Variants in BTBD1 observed in about 807,000 individuals in gnomAD.
BTBD1 encodes BTB domain containing 1, also known as BTB/POZ domain-containing protein 1.
In BTBD1, 34 loss-of-function variants were observed where a neutral mutation model predicts 48.0. The observed-to-expected ratio is 0.71, with a 90% CI of 0.54 to 0.94. The LOEUF (loss-of-function observed/expected upper bound fraction) is 0.94. Among genes scored for constraint, BTBD1 ranks in the 40% least tolerant of loss-of-function variants. The probability of loss-of-function intolerance (pLI) is 0.00; values close to 1 mark genes in which losing one functional copy is unlikely to be tolerated. For synonymous variants in BTBD1, 261 were observed against 242.1 expected, an observed-to-expected ratio of 1.08 and a Z score of -0.72; for missense variants, 543 against 625.6, an observed-to-expected ratio of 0.87 and a Z score of 1.41.
chr15:83,031,641 G>A (rs1427205732), intron 4 of BTBD1, among the ~76,000 whole-genome samples: 1 of 152,158 alleles, frequency 6.6e-6, no homozygotes, highest in Non-Finnish European at 1.5e-5. Context: ...GGCAGCGGGA[G>A]GGGGAAGGGA....
At chr15:83,047,626 G>GT (rs1296095584) in intron 3 of BTBD1, among the ~76,000 whole-genome samples, 1 of 152,156 alleles carries the variant, frequency 6.6e-6, no homozygotes, top group Non-Finnish European at 1.5e-5. Context: ...TAATCTGTGG[G>GT]TATTTTCCCC....
intron 2 of BTBD1, among the ~76,000 whole-genome samples, chr15:83,053,518 C>T (rs1010474201): frequency 6.6e-6 from 1 of 152,160 alleles, no homozygotes; most frequent in African/African-American, 2.4e-5. Context: ...TCTGGTCCTA[C>T]TGAACCAGTA....
intron 3 of BTBD1, among the ~76,000 whole-genome samples, chr15:83,046,773 G>A (rs2032887056): frequency 6.6e-6 from 1 of 152,116 alleles, no homozygotes; most frequent in Non-Finnish European, 1.5e-5. Flanking sequence ...TGCTGGGGAG[G>A]AATCTGATTT....
intron 4 of BTBD1, among the ~76,000 whole-genome samples, chr15:83,040,127 G>A (rs904707222): frequency 3.3e-5 from 5 of 152,084 alleles, no homozygotes; most frequent in Non-Finnish European, 5.9e-5. Context: ...AGTTAATGCA[G>A]AAACAGTAAA....
At chr15:83,056,261 TA>T in intron 2 of BTBD1, 127 bp downstream of exon 2, 1 of 613,774 alleles carries the variant, frequency 1.6e-6, no homozygotes, top group Non-Finnish European at 2.7e-6. Context: ...CCCTGATTTG[TA>T]TTATAAAAAT....
intron 2 of BTBD1, among the ~76,000 whole-genome samples, chr15:83,054,281 T>C (rs2033043513): frequency 6.6e-6 from 1 of 151,998 alleles, no homozygotes; most frequent in Admixed American, 6.6e-5. Flanking sequence ...GAGGTTGCAG[T>C]GAGCCGAACT....
intron 1 of BTBD1, among the ~76,000 whole-genome samples, chr15:83,059,645 C>T (rs1469839348): frequency 1.3e-5 from 2 of 152,202 alleles, no homozygotes; most frequent in African/African-American, 4.8e-5. Context: ...AGTGGTGGCA[C>T]GATCATAGCT....
At chr15:83,044,983 A>C (rs1197459096) in intron 3 of BTBD1, among the ~76,000 whole-genome samples, 1 of 152,228 alleles carries the variant, frequency 6.6e-6, no homozygotes, top group African/African-American at 2.4e-5. Flanking sequence ...AAAAATAATA[A>C]ATACCCCAGT....
chr15:83,018,941 C>A lies in BTBD1; in HGVS notation c.1144-88G>T, dbSNP rs1170307777. The A allele has an allele frequency of 9.8e-6, 7 of 712,518 alleles. No individual in the cohort carries two copies. The South Asian group carries it at 1.5e-4, about 15-fold the overall frequency. 44.1% of individuals were successfully genotyped at this position (712,518 alleles called of 1,614,324 possible). A position where few individuals can be genotyped will look rare whatever the true frequency, so the allele number is the denominator to read the frequency against. ...AATATAAAGCCCTTAGCAATGTGTG[C>A]GTGTGTGTTTTGAGACAGACTCTCA... On this transcript the variant is annotated intron_variant, in intron 6 of 7. Coordinates refer to ENST00000261721, the MANE Select transcript of BTBD1 (RefSeq NM_025238.4).
intron 1 of BTBD1, among the ~76,000 whole-genome samples, chr15:83,065,178 T>C (rs1368548264): frequency 1.3e-5 from 2 of 152,250 alleles, no homozygotes; most frequent in African/African-American, 4.8e-5. Flanking sequence ...TATTTTTGTA[T>C]GCAATTTGCA....
intron 5 of BTBD1, among the ~76,000 whole-genome samples, chr15:83,027,781 CG>C (rs1446013667): frequency 2.0e-5 from 3 of 152,096 alleles, no homozygotes; most frequent in African/African-American, 4.8e-5. Context: ...TTAAAGAAAA[CG>C]TAAGTGGCAG....
At chr15:83,021,904 T>C (rs1002480654) in intron 5 of BTBD1, among the ~76,000 whole-genome samples, 5 of 152,192 alleles carry the variant, frequency 3.3e-5, no homozygotes, top group African/African-American at 1.2e-4. Context: ...TACCACTTCA[T>C]GAGTACTTCC....
At chr15:83,066,109 T>G (rs1054879673) in intron 1 of BTBD1, among the ~76,000 whole-genome samples, 1 of 151,618 alleles carries the variant, frequency 6.6e-6, no homozygotes, top group African/African-American at 2.4e-5. Flanking sequence ...CTGGGCAACA[T>G]AGTGAAACCC....
chr15:83,060,231 T>C (rs528166312), intron 1 of BTBD1, among the ~76,000 whole-genome samples: 75 of 152,160 alleles, frequency 4.9e-4, no homozygotes, highest in African/African-American at 1.5e-3. Flanking sequence ...TTGATTCATA[T>C]GTATACATTT....
chr15:83,057,401 A>G (rs561360090), intron 1 of BTBD1, among the ~76,000 whole-genome samples: 1 of 152,242 alleles, frequency 6.6e-6, no homozygotes, highest in African/African-American at 2.4e-5. Flanking sequence ...GAGGATTAAC[A>G]TAAATTAAAA....
intron 3 of BTBD1, among the ~76,000 whole-genome samples, chr15:83,042,636 G>A (rs1237389100): frequency 6.6e-6 from 1 of 151,830 alleles, no homozygotes; most frequent in African/African-American, 2.4e-5. Flanking sequence ...TGCCTGCCTC[G>A]GCCTTCCAAA....
At chr15:83,049,350 C>T (rs757996861) in intron 3 of BTBD1, among the ~76,000 whole-genome samples, 3 of 152,166 alleles carry the variant, frequency 2.0e-5, no homozygotes, top group Admixed American at 1.3e-4. Flanking sequence ...CCCTACAGAT[C>T]GTGGCCCCCG....
rs1242858848 is a variant in BTBD1 at position 83,066,979 on chromosome 15, C to T, written c.173G>A (p.Arg58His). 6.3e-7 allele frequency: 1 copy of T among 1,584,160 alleles called. No homozygotes were observed. Among genetic ancestry groups the T allele is most frequent in the Admixed American group, 1.7e-5 (1 of 57,476 alleles). The change falls in exon 1 of 8, where the codon CGC (arginine) becomes CAC (histidine). Residue 58 changes from arginine to histidine, a missense_variant. By Grantham distance (29) the Arg-to-His change is conservative. This residue lies in a region of BTBD1 where 173 missense variants were observed against 163.9 expected (regional missense o/e 1.06). Transcript: ENST00000261721. ...WQATKASLKE[R>H]FAFLFNSELL... ...CTCCGAGTTGAAGAGGAAGGCGAAG[C>T]GCTCCTTCAGCGACGCCTTGGTCGC...
In BTBD1 at chr15:83,055,501, G is replaced by A. The variant is rs144180123; in HGVS notation, c.558+888C>T. On this transcript the variant is annotated intron_variant, in intron 2 of 7. Coordinates refer to ENST00000261721, the MANE Select transcript of BTBD1 (RefSeq NM_025238.4). ...TCTAACTATTGGCCTCAAGTGATCCGCCCACCTGGCCTCCCAAAGTGCTGG... is the reference window on the plus strand; with the variant it reads ...TCTAACTATTGGCCTCAAGTGATCCACCCACCTGGCCTCCCAAAGTGCTGG... 2.0e-3 allele frequency among the ~76,000 whole-genome samples: 311 copies of A among 152,078 alleles called. 1 individual carries two copies. The highest frequency in any genetic ancestry group is 6.8e-3 in the Middle Eastern group (2 of 294).
Sources: allele counts gnomAD v4.1 joint callset (sites outside exome capture counted in the v4.1 genomes callset), GRCh38; gene constraint gnomAD v4.1.1; regional missense constraint gnomAD v4.1.1; transcripts MANE v1.5; gene names NCBI Gene and HGNC (gene_info 2026-07-23, HGNC 2026-07-21).